BPNT2: variants seen among roughly 807,000 people sequenced by gnomAD.
BPNT2 encodes the protein 3'(2'), 5'-bisphosphate nucleotidase 2.
BPNT2 carries 11 observed loss-of-function variants against 29.3 expected under a neutral mutation model. That is an observed-to-expected ratio of 0.38 (90% confidence interval 0.24 to 0.62). The LOEUF is 0.62. Among genes scored for constraint, BPNT2 ranks in the 20% least tolerant of loss-of-function variants. BPNT2 has a pLI of 0.62. For missense variants in BPNT2, 459 were observed against 473.4 expected (o/e 0.97, Z 0.28); for synonymous variants, 195 against 187.7 (o/e 1.04, Z -0.32).
intron 1 of BPNT2, among the ~76,000 whole-genome samples, chr8:56,988,597 T>TC: frequency 1.3e-5 from 2 of 152,322 alleles, no homozygotes; most frequent in Middle Eastern, 3.4e-3. Flanking sequence ...GCCCTGATAT[T>TC]CCCCTTTCAT....
intron 3 of BPNT2, chr8:56,967,183 G>C (rs1172507879): frequency 6.6e-6 from 3 of 456,264 alleles, no homozygotes; most frequent in Non-Finnish European, 1.3e-5. Flanking sequence ...ACCATGGCTA[G>C]TAATGAAACC....
chr8:56,979,082 A>G (rs1201423504), intron 2 of BPNT2, among the ~76,000 whole-genome samples: 1 of 152,176 alleles, frequency 6.6e-6, no homozygotes, highest in Admixed American at 6.5e-5. Context: ...AGACCCTTTT[A>G]TATTATAAAA....
Position 56,993,245 on chromosome 8 carries a change from T to C in BPNT2, c.341A>G (p.Asn114Ser). ...CTTGAGCAGGTAGAACATCTTGCGG[T>C]TGGACAGCACGTCGCCGCTGGTCAT... Reference protein sequence around the residue: ...DKMTSGDVLSNRKMFYLLKTA... With the variant: ...DKMTSGDVLSSRKMFYLLKTA... Residue 114 changes from asparagine to serine, a missense_variant, in exon 1 of 5, where the codon AAC becomes AGC. Physicochemically the swap from Asn to Ser is conservative, Grantham distance 46 (BLOSUM62 1). Transcript: ENST00000262644. 2 of 1,607,984 alleles carry C rather than the reference T, an allele frequency of 1.2e-6. No homozygotes were observed. The highest frequency in any genetic ancestry group is 2.2e-5 in the East Asian group (1 of 44,826).
chr8:56,975,473 T>A (rs1806117612), intron 3 of BPNT2, among the ~76,000 whole-genome samples: 1 of 152,086 alleles, frequency 6.6e-6, no homozygotes. Context: ...TTTTTTTAAT[T>A]AAAAAAAGTC....
At chr8:56,992,748 C>A (rs1288949141) in intron 1 of BPNT2, among the ~76,000 whole-genome samples, 1 of 140,774 alleles carries the variant, frequency 7.1e-6, no homozygotes, top group African/African-American at 2.6e-5. Context: ...CGCACACTAA[C>A]AGCTCTGCAA....
intron 3 of BPNT2, 71 bp downstream of exon 3, chr8:56,977,979 A>G (rs1806172368): frequency 1.0e-6 from 1 of 964,438 alleles, no homozygotes; most frequent in Non-Finnish European, 1.7e-6. Flanking sequence ...AAATTTAGGT[A>G]CATGACAGTA....
intron 3 of BPNT2, among the ~76,000 whole-genome samples, chr8:56,977,692 G>T (rs1806166019): frequency 6.6e-6 from 1 of 152,114 alleles, no homozygotes; most frequent in Non-Finnish European, 1.5e-5. Flanking sequence ...TGGTGTGCTT[G>T]TAAGAGGAGA....
At chr8:56,991,840 G>C (rs1409922563) in intron 1 of BPNT2, among the ~76,000 whole-genome samples, 1 of 151,574 alleles carries the variant, frequency 6.6e-6, no homozygotes, top group East Asian at 1.9e-4. Context: ...TTGGAAAGGG[G>C]GTAAAATATT....
Position 56,959,874 on chromosome 8 carries a change from T to G in BPNT2, c.*3919A>C, listed in dbSNP as rs1170541704. The stretch of plus-strand genomic sequence containing the variant: ...ATTTTCCCCCATCTACTAAAAAGGT[T>G]GTTTTCCCTTATTAACATACAATGC... On this transcript the variant is annotated 3_prime_UTR_variant, in exon 5 of 5. Transcript: ENST00000262644. The G allele has an allele frequency of 6.6e-6, 1 of 152,226 alleles. No homozygotes were observed. The highest frequency in any genetic ancestry group is 2.4e-5 in the African/African-American group (1 of 41,470). 9.4% of individuals were successfully genotyped at this position (152,226 alleles called of 1,614,324 possible).
At chr8:56,981,575 A>T (rs1005692790) in intron 1 of BPNT2, among the ~76,000 whole-genome samples, 1 of 152,212 alleles carries the variant, frequency 6.6e-6, no homozygotes, top group African/African-American at 2.4e-5. Flanking sequence ...AAAAAAACAA[A>T]AAATAAATAA....
chr8:56,959,103 T>C lies in BPNT2; in HGVS notation c.*4690A>G, dbSNP rs1265838972. On this transcript the variant is annotated 3_prime_UTR_variant, in exon 5 of 5. Transcript: ENST00000262644. ...CTAATCAAATAACACAGTTTATGCTTTTTCAATTTCCACAAATTGTTAATT... is the reference window on the plus strand; with the variant it reads ...CTAATCAAATAACACAGTTTATGCTCTTTCAATTTCCACAAATTGTTAATT... The C allele has an allele frequency of 1.3e-5, 2 of 152,226 alleles. No homozygotes were observed. The highest frequency in any genetic ancestry group is 4.8e-5 in the African/African-American group (2 of 41,454). The allele number at this position is 152,226 out of a possible 1,614,324, so 9.4% of individuals were successfully genotyped here. A position where few individuals can be genotyped will look rare whatever the true frequency, so the allele number is the denominator to read the frequency against.
intron 1 of BPNT2, among the ~76,000 whole-genome samples, chr8:56,981,139 G>C (rs1289772598): frequency 6.6e-6 from 1 of 152,066 alleles, no homozygotes; most frequent in Non-Finnish European, 1.5e-5. Flanking sequence ...AACACCCTCA[G>C]GTGTGACAAA....
intron 3 of BPNT2, among the ~76,000 whole-genome samples, chr8:56,975,184 C>T (rs1478727521): frequency 1.3e-5 from 2 of 152,142 alleles, no homozygotes; most frequent in East Asian, 3.9e-4. Context: ...TGAGAGGAGC[C>T]ACCTTTGTGA....
intron 1 of BPNT2, among the ~76,000 whole-genome samples, chr8:56,981,916 C>T (rs1438326641): frequency 5.9e-5 from 9 of 152,026 alleles, no homozygotes; most frequent in Admixed American, 5.9e-4. Context: ...AGTGCCAAAG[C>T]GATTACAGCA....
Position 56,958,896 on chromosome 8 carries a change from G to A in BPNT2, c.*4897C>T, listed in dbSNP as rs1805782275. On this transcript the variant is annotated 3_prime_UTR_variant, in exon 5 of 5. Transcript: ENST00000262644. The stretch of plus-strand genomic sequence containing the variant: ...CTCCTAACACGAGAATAAGAAAGGT[G>A]GCTGAAGTAGATAATTTCAGTGACG... The A allele has an allele frequency of 6.6e-6, 1 of 152,256 alleles. No individual in the cohort carries two copies. The highest frequency in any genetic ancestry group is 1.9e-4 in the East Asian group (1 of 5,172). 9.4% of individuals were successfully genotyped at this position (152,256 alleles called of 1,614,324 possible).
intron 1 of BPNT2, among the ~76,000 whole-genome samples, chr8:56,981,187 C>A (rs1224058055): frequency 6.6e-6 from 1 of 152,160 alleles, no homozygotes; most frequent in Non-Finnish European, 1.5e-5. Flanking sequence ...GCGCCCCTGT[C>A]CCATCCTATG....
intron 3 of BPNT2, among the ~76,000 whole-genome samples, chr8:56,967,704 G>A (rs1033645409): frequency 6.6e-6 from 1 of 152,172 alleles, no homozygotes; most frequent in African/African-American, 2.4e-5. Flanking sequence ...TGGCAGCAAG[G>A]GAGGGGATGA....
chr8:56,982,626 G>GA (rs898580008), intron 1 of BPNT2, among the ~76,000 whole-genome samples: 2 of 150,980 alleles, frequency 1.3e-5, no homozygotes, highest in Non-Finnish European at 3.0e-5. Context: ...CGAGACACAT[G>GA]AAAAAACATG....
At chr8:56,966,714 A>C (rs557661616) in intron 3 of BPNT2, among the ~76,000 whole-genome samples, 3 of 152,244 alleles carry the variant, frequency 2.0e-5, no homozygotes, top group African/African-American at 7.2e-5. Context: ...TTGTGATCCC[A>C]ACAGCACTCC....
Sources: allele counts gnomAD v4.1 joint callset (sites outside exome capture counted in the v4.1 genomes callset), GRCh38; gene constraint gnomAD v4.1.1; transcripts MANE v1.5; gene names NCBI Gene and HGNC (gene_info 2026-07-23, HGNC 2026-07-21).